Variants in CAMSAP1 observed in about 807,000 individuals in gnomAD.
The protein encoded by CAMSAP1 is calmodulin regulated spectrin associated protein 1.
In CAMSAP1, 58 loss-of-function variants were observed where a neutral mutation model predicts 143.5. The observed-to-expected ratio is 0.40, with a 90% CI of 0.33 to 0.50. The LOEUF is 0.50. CAMSAP1 is among the 20% of genes least tolerant of loss of function. The pLI, the probability that CAMSAP1 is intolerant of heterozygous loss-of-function variation, is 0.45. For missense variants in CAMSAP1, 1,969 were observed against 2,115.7 expected, an observed-to-expected ratio of 0.93 and a Z score of 1.36; for synonymous variants, 945 against 859.3, an observed-to-expected ratio of 1.10 and a Z score of -1.74.
chr9:135,849,602 G>T (rs745967860), intron 7 of CAMSAP1, among the ~76,000 whole-genome samples: 33 of 152,030 alleles, frequency 2.2e-4, no homozygotes, highest in Non-Finnish European at 4.3e-4. Context: ...CACATACATT[G>T]CAAGTACCTT....
intron 1 of CAMSAP1, among the ~76,000 whole-genome samples, chr9:135,886,394 G>A (rs1226590802): frequency 1.3e-5 from 2 of 152,206 alleles, no homozygotes; most frequent in African/African-American, 4.8e-5. Flanking sequence ...GCAGTGGGAT[G>A]TGCAGGTGGA....
At chr9:135,832,741 CAATT>C (rs150628612) in intron 7 of CAMSAP1, among the ~76,000 whole-genome samples, 1 of 152,010 alleles carries the variant, frequency 6.6e-6, no homozygotes, top group Non-Finnish European at 1.5e-5. Context: ...TATACACTAA[CAATT>C]AATTATCTAA....
intron 3 of CAMSAP1, among the ~76,000 whole-genome samples, chr9:135,871,890 G>A (rs1837581667): frequency 1.3e-5 from 2 of 152,110 alleles, no homozygotes; most frequent in South Asian, 2.1e-4. Context: ...ATCACCTGAG[G>A]TCGGGAATTC....
intron 1 of CAMSAP1, among the ~76,000 whole-genome samples, chr9:135,890,554 C>T (rs1359661209): frequency 6.6e-6 from 1 of 152,132 alleles, no homozygotes; most frequent in Non-Finnish European, 1.5e-5. Flanking sequence ...TGCCCAATGA[C>T]GCCTACCACA....
chr9:135,863,218 G>A (rs1837260700), intron 4 of CAMSAP1, among the ~76,000 whole-genome samples: 1 of 152,158 alleles, frequency 6.6e-6, no homozygotes, highest in Admixed American at 6.5e-5. Context: ...ACAAGTGTCT[G>A]CTCAAGGATT....
intron 5 of CAMSAP1, among the ~76,000 whole-genome samples, chr9:135,860,556 C>T (rs1238162044): frequency 1.5e-5 from 2 of 137,536 alleles, no homozygotes; most frequent in African/African-American, 2.8e-5. Flanking sequence ...CAAGATCACG[C>T]AGTTGCATTC....
chr9:135,839,006 A>G (rs1002247349), intron 7 of CAMSAP1, among the ~76,000 whole-genome samples: 2 of 151,866 alleles, frequency 1.3e-5, no homozygotes, highest in African/African-American at 2.4e-5. Flanking sequence ...ACCCTGTTCT[A>G]TAGACACACA....
At chr9:135,873,592 C>T (rs1057344609) in intron 3 of CAMSAP1, among the ~76,000 whole-genome samples, 2 of 152,048 alleles carry the variant, frequency 1.3e-5, no homozygotes, top group Non-Finnish European at 2.9e-5. Flanking sequence ...ACAAACAGGA[C>T]ACTGTCACTA....
intron 7 of CAMSAP1, among the ~76,000 whole-genome samples, chr9:135,839,197 T>C (rs1836248508): frequency 6.6e-6 from 1 of 152,192 alleles, no homozygotes; most frequent in African/African-American, 2.4e-5. Flanking sequence ...AAGCTTCTTC[T>C]CTCCCTGCCT....
intron 3 of CAMSAP1, among the ~76,000 whole-genome samples, chr9:135,879,084 G>C (rs1296820397): frequency 6.6e-6 from 1 of 152,124 alleles, no homozygotes; most frequent in Admixed American, 6.5e-5. Context: ...CAACCGCAGG[G>C]GAATGAGGAG....
intron 8 of CAMSAP1, among the ~76,000 whole-genome samples, chr9:135,827,007 C>T (rs995698229): frequency 1.3e-5 from 2 of 152,222 alleles, no homozygotes; most frequent in African/African-American, 2.4e-5. Context: ...AACAAATTCT[C>T]TTCTTTGAAG....
chr9:135,879,912 C>T (rs2130979117), intron 3 of CAMSAP1, among the ~76,000 whole-genome samples: 2 of 151,758 alleles, frequency 1.3e-5, no homozygotes, highest in Admixed American at 6.6e-5. Flanking sequence ...CAAGCAGAAA[C>T]GTGGCTTACG....
intron 7 of CAMSAP1, among the ~76,000 whole-genome samples, chr9:135,845,279 T>A (rs931291306): frequency 6.6e-6 from 1 of 152,188 alleles, no homozygotes; most frequent in African/African-American, 2.4e-5. Context: ...CATGATTATC[T>A]CAATAGATTC....
At position 135,907,186 on chromosome 9, in the gene CAMSAP1, C is replaced by A; in HGVS notation, c.-27G>T. The A allele has an allele frequency of 9.4e-7, 1 of 1,069,240 alleles. No individual in the cohort carries two copies. 66.2% of individuals were successfully genotyped at this position (1,069,240 alleles called of 1,614,324 possible). A position where few individuals can be genotyped will look rare whatever the true frequency, so the allele number is the denominator to read the frequency against. ...TGCAGACAAAGGGCTGAGGCGGCGGCCCGGCCGCAACAAAGGCGCCGCCGC... is the reference window on the plus strand; with the variant it reads ...TGCAGACAAAGGGCTGAGGCGGCGGACCGGCCGCAACAAAGGCGCCGCCGC... On this transcript the variant is annotated 5_prime_UTR_variant, in exon 1 of 17. Coordinates refer to ENST00000389532, the MANE Select transcript of CAMSAP1 (RefSeq NM_015447.4).
At chr9:135,906,936 G>C (rs1426651405) in intron 1 of CAMSAP1, 64 bp downstream of exon 1, 1 of 908,270 alleles carries the variant, frequency 1.1e-6, no homozygotes, top group Non-Finnish European at 1.3e-6. Flanking sequence ...GCCGGACCCC[G>C]GCCGCGTCCC....
intron 7 of CAMSAP1, among the ~76,000 whole-genome samples, chr9:135,830,775 G>C (rs1835833529): frequency 6.6e-6 from 1 of 152,136 alleles, no homozygotes; most frequent in Non-Finnish European, 1.5e-5. Context: ...CCATTCTCCA[G>C]AACAGATCAT....
At chr9:135,901,802 C>T (rs1838627225) in intron 1 of CAMSAP1, among the ~76,000 whole-genome samples, 1 of 152,156 alleles carries the variant, frequency 6.6e-6, no homozygotes, top group Non-Finnish European at 1.5e-5. Context: ...TCAAAGAAAT[C>T]CCCAGCCAAC....
intron 7 of CAMSAP1, among the ~76,000 whole-genome samples, chr9:135,843,921 T>C (rs1198932131): frequency 6.7e-6 from 1 of 149,952 alleles, no homozygotes; most frequent in Non-Finnish European, 1.5e-5. Context: ...CCTAAATCTG[T>C]ATGCCCCCAA....
At chr9:135,868,100 A>G (rs765819992) in intron 3 of CAMSAP1, among the ~76,000 whole-genome samples, 99 of 152,220 alleles carry the variant, frequency 6.5e-4, no homozygotes, top group Non-Finnish European at 1.4e-3. Context: ...TATATTTGGA[A>G]AATGAAAGCA....
Sources: gnomAD v4.1 joint callset for allele counts (sites outside exome capture counted in the v4.1 genomes callset) on GRCh38, gnomAD v4.1.1 for gene constraint, MANE v1.5 for transcripts, NCBI Gene and HGNC (gene_info 2026-07-23, HGNC 2026-07-21) for gene names.